The following PPP2R5C variants were observed in gnomAD, a reference collection of about 807,000 sequenced individuals.
PPP2R5C encodes the protein serine/threonine-protein phosphatase 2A 56 kDa regulatory subunit gamma isoform.
In PPP2R5C, 7 loss-of-function variants were observed where a neutral mutation model predicts 68.9. The ratio of observed to expected loss-of-function variants is 0.10; its 90% CI spans 0.06 to 0.19. PPP2R5C has a LOEUF of 0.19. Ranked by LOEUF, PPP2R5C falls within the 10% of genes least tolerant of loss-of-function variation. The pLI is 1.00. For missense variants in PPP2R5C, 348 were observed against 641.3 expected, an observed-to-expected ratio of 0.54 and a Z score of 4.94; for synonymous variants, 210 against 222.2, an observed-to-expected ratio of 0.95 and a Z score of 0.49.
Position 101,901,636 on chromosome 14 carries a change from C to T in PPP2R5C, c.853-83C>T, listed in dbSNP as rs188978797. 7.0e-4 allele frequency: 982 copies of T among 1,407,686 alleles called. 1 individual carries two copies. The highest frequency in any genetic ancestry group is 4.7e-3 in the Middle Eastern group (19 of 4,020). 87.2% of individuals were successfully genotyped at this position (1,407,686 alleles called of 1,614,324 possible). On this transcript the variant is annotated intron_variant, in intron 8 of 13. Transcript: ENST00000334743. Reference sequence around the variant, plus strand: ...GTGTGTTGCCTTGCAGTGGGGCCACCGCAGTGAAAACACAGACTTCTTACC... The same window carrying T: ...GTGTGTTGCCTTGCAGTGGGGCCACTGCAGTGAAAACACAGACTTCTTACC...
rs540215559 is a variant in PPP2R5C, at chr14:101,847,712, G to C, written c.95-8974G>C. ...AGACGGAGTCTCTATCGCGAGGCTG[G>C]AGTGTGGTGGCGTGATCTCAGCTCA... On this transcript the variant is annotated intron_variant, in intron 1 of 13. Coordinates refer to ENST00000334743, the Ensembl canonical transcript of PPP2R5C. 2.7e-5 allele frequency among the ~76,000 whole-genome samples: 4 copies of C among 149,220 alleles called. 1 individual carries two copies. Among genetic ancestry groups the C allele is most frequent in the African/African-American group, 9.9e-5 (4 of 40,224 alleles).
rs199560996 is a variant in PPP2R5C at position 101,912,484 on chromosome 14, A to C, written c.1326+11A>C. On this transcript the variant is annotated intron_variant, in intron 12 of 13. Transcript: ENST00000334743. ...AAAGCCAATCCCCAGGTACTAAAAA[A>C]GAGAATAACATGAAAACGCCCAGGG... 4,957 of 1,600,332 alleles carry C rather than the reference A, an allele frequency of 3.1e-3. 12 individuals are homozygous for C. Among genetic ancestry groups the C allele is most frequent in the Non-Finnish European group, 3.9e-3 (4,547 of 1,176,410 alleles).
intron 2 of PPP2R5C, among the ~76,000 whole-genome samples, chr14:101,776,317 G>C (rs968445836): frequency 2.6e-5 from 4 of 152,142 alleles, no homozygotes; most frequent in African/African-American, 9.7e-5. Context: ...TTCCAGAAGA[G>C]GGCGAAAGGG....
chr14:101,842,144 T>C (rs2041514178), intron 1 of PPP2R5C, among the ~76,000 whole-genome samples: 1 of 152,148 alleles, frequency 6.6e-6, no homozygotes, highest in Non-Finnish European at 1.5e-5. Flanking sequence ...TGTTACTCAT[T>C]TCCATGAATA....
At chr14:101,918,304 G>C (rs1271813019) in intron 13 of PPP2R5C, among the ~76,000 whole-genome samples, 2 of 150,230 alleles carry the variant, frequency 1.3e-5, no homozygotes, top group East Asian at 3.9e-4. Flanking sequence ...TCGACCCAGA[G>C]AGGCTCCCTT....
intron 13 of PPP2R5C, among the ~76,000 whole-genome samples, chr14:101,919,199 G>A (rs139697284): frequency 0.01 from 1,556 of 152,306 alleles, 12 homozygotes; most frequent in Middle Eastern, 0.044. Flanking sequence ...CACGGTCATC[G>A]GCCTCTTCTG....
intron 2 of PPP2R5C, among the ~76,000 whole-genome samples, chr14:101,861,298 A>G (rs1486150840): frequency 6.6e-6 from 1 of 152,230 alleles, no homozygotes; most frequent in Non-Finnish European, 1.5e-5. Context: ...GGAAACGTAG[A>G]GTCTCTTCTA....
At chr14:101,862,025 ACCTC>A (rs2042772248) in intron 2 of PPP2R5C, among the ~76,000 whole-genome samples, 1 of 152,010 alleles carries the variant, frequency 6.6e-6, no homozygotes. Context: ...TGATCCTCCC[ACCTC>A]AGCCTCCTGA....
rs547206382 is a variant in PPP2R5C, at chr14:101,784,795, C to T, written c.94-1223C>T. Among the ~76,000 whole-genome samples the T allele has an allele frequency of 3.3e-5, 5 of 152,328 alleles. No homozygotes were observed. The East Asian group carries it at 9.6e-4, about 29-fold the overall frequency. ...GCAACGAGCACATTATGTAAATCATCTTGACGGTGGACACAGCAGCTGTTG... is the reference window on the plus strand; with the variant it reads ...GCAACGAGCACATTATGTAAATCATTTTGACGGTGGACACAGCAGCTGTTG... On this transcript the variant is annotated intron_variant, in intron 2 of 14. Coordinates refer to the PPP2R5C transcript ENST00000328724.
intron 1 of PPP2R5C, among the ~76,000 whole-genome samples, chr14:101,833,724 A>T (rs2040902347): frequency 6.6e-6 from 1 of 152,174 alleles, no homozygotes. Context: ...TCAAGGCATT[A>T]TGGTAACAGG....
At chr14:101,809,801 C>A (rs1031991240), upstream of PPP2R5C, 11 of 1,337,976 alleles carry the variant, frequency 8.2e-6, no homozygotes, top group Admixed American at 3.8e-5. Flanking sequence ...GGCCAATCAG[C>A]GAGCTTCATG....
rs764932529 is a variant in PPP2R5C, at chr14:101,883,568, T to A, written c.629+6T>A. Reference sequence around the variant, plus strand: ...ATAAATAATATATTTTATAGGTAAGTCACGTGTGGATGGCGTTGTCCTTGT... The same window carrying A: ...ATAAATAATATATTTTATAGGTAAGACACGTGTGGATGGCGTTGTCCTTGT... On this transcript the variant is annotated splice_donor_region_variant and intron_variant, in intron 5 of 13. Coordinates refer to ENST00000334743, the Ensembl canonical transcript of PPP2R5C. The A allele has an allele frequency of 2.5e-6, 4 of 1,612,188 alleles. No individual in the cohort carries two copies. In the South Asian group the frequency reaches 4.4e-5, roughly 18 times the overall value.
intron 2 of PPP2R5C, among the ~76,000 whole-genome samples, chr14:101,875,107 C>G (rs2043677070): frequency 6.6e-6 from 1 of 152,158 alleles, no homozygotes; most frequent in African/African-American, 2.4e-5. Context: ...GTAAAAATAG[C>G]AAGTTATTCA....
chr14:101,812,370 G>A (rs992089701), intron 1 of PPP2R5C, among the ~76,000 whole-genome samples: 16 of 152,140 alleles, frequency 1.1e-4, no homozygotes, highest in African/African-American at 3.6e-4. Context: ...GAACCAAGGA[G>A]GGCTGCACCC....
intron 2 of PPP2R5C, among the ~76,000 whole-genome samples, chr14:101,784,141 C>A (rs1027050635): frequency 3.9e-5 from 6 of 152,180 alleles, no homozygotes; most frequent in Non-Finnish European, 7.3e-5. Flanking sequence ...CTGTTCCGGG[C>A]AGTCTGTCAC....
intron 3 of PPP2R5C, among the ~76,000 whole-genome samples, chr14:101,798,718 T>C (rs1432308624): frequency 6.6e-6 from 1 of 152,254 alleles, no homozygotes; most frequent in East Asian, 1.9e-4. Flanking sequence ...GTGGAAGGTA[T>C]GCTAGGTGGG....
chr14:101,875,405 G>T lies in PPP2R5C; in HGVS notation c.295-6756G>T, dbSNP rs892636783. Among the ~76,000 whole-genome samples, 5 of 152,206 alleles carry T rather than the reference G, an allele frequency of 3.3e-5. No homozygotes were observed. The Middle Eastern group carries it at 0.014, about 414-fold the overall frequency. On this transcript the variant is annotated intron_variant, in intron 2 of 13. Transcript: ENST00000334743. ...CATCATAGAAGAGCTTAAAATTAGG[G>T]GCCCAATTAGGACTGTAATTATTTT...
rs1207668074 is a variant in PPP2R5C at position 101,891,079 on chromosome 14, TTTAA to T, written c.689+786_689+789del. On this transcript the variant is annotated intron_variant, in intron 6 of 13. Transcript: ENST00000334743. The surrounding 1 kb of genome is among the most constrained non-coding windows in gnomAD (Gnocchi z 4.9). Reference sequence around the variant, plus strand: ...GAGCCACCACGCCCGGCCACTTTTATTTAATTGATAACCCGTAGATTTTATATTA... The same window carrying T: ...GAGCCACCACGCCCGGCCACTTTTATTTGATAACCCGTAGATTTTATATTA... Among the ~76,000 whole-genome samples, 2 of 152,192 alleles carry T rather than the reference TTTAA, an allele frequency of 1.3e-5. No individual in the cohort carries two copies. The highest frequency in any genetic ancestry group is 2.4e-5 in the African/African-American group (1 of 41,444).
At chr14:101,893,843 G>A (rs2045126396) in intron 7 of PPP2R5C, among the ~76,000 whole-genome samples, 1 of 152,232 alleles carries the variant, frequency 6.6e-6, no homozygotes, top group African/African-American at 2.4e-5. Context: ...GTCAATAAGT[G>A]GTTAATGGAC....
Sources: allele counts gnomAD v4.1 joint callset (sites outside exome capture counted in the v4.1 genomes callset), GRCh38; gene constraint gnomAD v4.1.1; non-coding constraint Gnocchi (gnomAD v3.1); transcripts MANE v1.5; gene names NCBI Gene and HGNC (gene_info 2026-07-23, HGNC 2026-07-21).